Variants in SAMMSON observed in about 807,000 individuals in gnomAD.
SAMMSON encodes the protein long intergenic non-protein coding RNA 1212.
At chr3:70,362,088 C>T (rs1475463282) in intron 9 of SAMMSON, among the ~76,000 whole-genome samples, 4 of 151,992 alleles carry the variant, frequency 2.6e-5, no homozygotes, top group Non-Finnish European at 4.4e-5. Flanking sequence ...GTGTTAAATG[C>T]CTGTAAAGTG....
At chr3:70,271,624 G>C in intron 6 of SAMMSON, among the ~76,000 whole-genome samples, 1 of 152,164 alleles carries the variant, frequency 6.6e-6, no homozygotes, top group East Asian at 1.9e-4. Context: ...CAAAACAATA[G>C]ACCCAGCTAA....
intron 3 of SAMMSON, among the ~76,000 whole-genome samples, chr3:70,031,034 C>T (rs1292761507): frequency 2.0e-5 from 3 of 152,150 alleles, no homozygotes; most frequent in South Asian, 4.1e-4. Context: ...CCAGCAATTC[C>T]ACTCCTAGGT....
chr3:70,401,305 A>G (rs1260680891), intron 2 of SAMMSON, among the ~76,000 whole-genome samples: 2 of 152,194 alleles, frequency 1.3e-5, no homozygotes, highest in Admixed American at 6.5e-5. Flanking sequence ...TAGATTAGCC[A>G]ATAACTTGGG....
intron 2 of SAMMSON, among the ~76,000 whole-genome samples, chr3:70,414,667 T>C (rs1317201742): frequency 6.6e-6 from 1 of 152,180 alleles, no homozygotes; most frequent in Non-Finnish European, 1.5e-5. Context: ...AGGTATTTAA[T>C]GTGACCTTAG....
chr3:70,240,942 T>G (rs1701661779), intron 4 of SAMMSON, among the ~76,000 whole-genome samples: 1 of 152,220 alleles, frequency 6.6e-6, no homozygotes, highest in African/African-American at 2.4e-5. Context: ...CATCATTTGA[T>G]AAATGAGCCA....
At chr3:70,255,518 C>T (rs1270493635) in intron 6 of SAMMSON, among the ~76,000 whole-genome samples, 2 of 152,156 alleles carry the variant, frequency 1.3e-5, no homozygotes, top group African/African-American at 4.8e-5. Flanking sequence ...ACCACCTGGG[C>T]TCAAGTGATC....
At chr3:70,199,976 A>G (rs1349346042) in intron 4 of SAMMSON, among the ~76,000 whole-genome samples, 1 of 152,054 alleles carries the variant, frequency 6.6e-6, no homozygotes, top group African/African-American at 2.4e-5. Context: ...TCCTCCTCCT[A>G]CTTTCTTTTA....
chr3:70,031,463 G>A (rs533538107), intron 3 of SAMMSON, among the ~76,000 whole-genome samples: 12 of 152,252 alleles, frequency 7.9e-5, no homozygotes, highest in African/African-American at 2.9e-4. Context: ...GAAATAGAGC[G>A]ATGGTTGCAC....
chr3:70,165,767 A>G (rs1005298232), intron 4 of SAMMSON, among the ~76,000 whole-genome samples: 1 of 151,996 alleles, frequency 6.6e-6, no homozygotes, highest in African/African-American at 2.4e-5. Context: ...GTTCTTGCTC[A>G]TCAAATTTAC....
intron 2 of SAMMSON, among the ~76,000 whole-genome samples, chr3:70,400,033 G>A (rs148197458): frequency 0.012 from 1,751 of 151,616 alleles, 14 homozygotes; most frequent in Non-Finnish European, 0.016. Flanking sequence ...GAAAATAGTG[G>A]CATATTATTT....
chr3:70,015,428 G>A (rs1390381937), intron 3 of SAMMSON: 2 of 151,162 alleles, frequency 1.3e-5, no homozygotes, highest in Non-Finnish European at 2.9e-5. Context: ...TTAACAAGTC[G>A]TTTATTTACC....
chr3:70,206,484 T>C (rs1701291719), intron 4 of SAMMSON: 2 of 395,976 alleles, frequency 5.1e-6, no homozygotes, highest in Non-Finnish European at 8.9e-6. Flanking sequence ...GGACTTTTTT[T>C]TTCCTAACAG....
chr3:70,374,073 C>A (rs1469894993), intron 9 of SAMMSON, among the ~76,000 whole-genome samples: 1 of 152,178 alleles, frequency 6.6e-6, no homozygotes, highest in African/African-American at 2.4e-5. Flanking sequence ...TGCCACCACA[C>A]CCAGCTAATT....
intron 6 of SAMMSON, among the ~76,000 whole-genome samples, chr3:70,274,263 T>A (rs905165448): frequency 2.6e-5 from 4 of 152,126 alleles, no homozygotes; most frequent in African/African-American, 9.7e-5. Flanking sequence ...ACCAGGCAAC[T>A]CAAATTTTAA....
At chr3:70,384,804 G>A (rs912581138) in intron 9 of SAMMSON, among the ~76,000 whole-genome samples, 2 of 151,966 alleles carry the variant, frequency 1.3e-5, no homozygotes, top group African/African-American at 4.8e-5. Flanking sequence ...TATAAAATAA[G>A]GATTTTTTTC....
rs562062056 is a variant in SAMMSON, at chr3:70,364,960, G to A, written n.913+6636G>A. On this transcript the variant is annotated intron_variant and non_coding_transcript_variant, in intron 9 of 9. Transcript: ENST00000642114. ...TGAGATCGTGTTATCCATTTATAAC[G>A]CACTCAGATTGTTTTGTCACATTAT... 1.1e-4 allele frequency among the ~76,000 whole-genome samples: 16 copies of A among 151,484 alleles called. No individual in the cohort carries two copies. In the South Asian group the frequency reaches 2.5e-3, roughly 24 times the overall value.
intron 7 of SAMMSON, among the ~76,000 whole-genome samples, chr3:70,352,799 A>C (rs546799239): frequency 6.6e-6 from 1 of 152,206 alleles, no homozygotes; most frequent in East Asian, 1.9e-4. Flanking sequence ...AACTAAGACA[A>C]TTTTGAAAAG....
chr3:70,247,441 C>T (rs1008140014), intron 4 of SAMMSON, among the ~76,000 whole-genome samples: 1 of 151,532 alleles, frequency 6.6e-6, no homozygotes, highest in Non-Finnish European at 1.5e-5. Flanking sequence ...TGCTCTTGAG[C>T]ACTTCATATG....
At chr3:70,090,486 CA>C (rs1187768851) in intron 4 of SAMMSON, among the ~76,000 whole-genome samples, 1 of 152,180 alleles carries the variant, frequency 6.6e-6, no homozygotes, top group Non-Finnish European at 1.5e-5. Context: ...TTAATTTATT[CA>C]AAGCCAGCTG....
Sources: gnomAD v4.1 joint callset for allele counts (sites outside exome capture counted in the v4.1 genomes callset) on GRCh38, gnomAD v4.1.1 for gene constraint, MANE v1.5 for transcripts, NCBI Gene and HGNC (gene_info 2026-07-23, HGNC 2026-07-21) for gene names.